The following LRFN5 variants were observed in gnomAD, a reference collection of about 807,000 sequenced individuals.
LRFN5 encodes the protein leucine-rich repeat and fibronectin type-III domain-containing protein 5.
Under a neutral mutation model 45.6 loss-of-function variants are expected in LRFN5, and 24 were observed. The ratio of observed to expected loss-of-function variants is 0.53; its 90% CI spans 0.38 to 0.74. LRFN5 has a LOEUF of 0.74. Ranked by LOEUF, LRFN5 falls within the 30% of genes least tolerant of loss-of-function variation. LRFN5 has a pLI of 0.00. For synonymous variants in LRFN5, 340 were observed against 313.8 expected, an observed-to-expected ratio of 1.08 and a Z score of -0.88; for missense variants, 776 against 861.5, an observed-to-expected ratio of 0.90 and a Z score of 1.24.
At chr14:41,742,378 A>T (rs1884738040) in intron 1 of LRFN5, among the ~76,000 whole-genome samples, 1 of 151,616 alleles carries the variant, frequency 6.6e-6, no homozygotes, top group Admixed American at 6.6e-5. Flanking sequence ...AAATAAGGAA[A>T]TTTTTTTCAT....
intron 2 of LRFN5, among the ~76,000 whole-genome samples, chr14:41,791,129 C>G (rs1025637599): frequency 6.6e-6 from 1 of 151,556 alleles, no homozygotes; most frequent in African/African-American, 2.4e-5. Flanking sequence ...ATTATTAACC[C>G]AGATCATCTG....
rs775264252 is a variant in LRFN5 at position 41,895,119 on chromosome 14, A to G, written c.2098+3157A>G. ...CGATGTTTACTTCAAACTTTTTTTA[A>G]AATTGTGTTCCTGCATTATTTTTGT... On this transcript the variant is annotated intron_variant, in intron 4 of 5. Coordinates refer to ENST00000298119, the MANE Select transcript of LRFN5 (RefSeq NM_152447.5). 1,098 of 881,406 alleles carry G rather than the reference A, an allele frequency of 1.2e-3. 4 individuals carry two copies. Among genetic ancestry groups the G allele is most frequent in the Non-Finnish European group, 1.4e-3 (1,031 of 735,344 alleles). The allele number at this position is 881,406 out of a possible 1,614,324, so 54.6% of individuals were successfully genotyped here. A position where few individuals can be genotyped will look rare whatever the true frequency, so the allele number is the denominator to read the frequency against.
intron 1 of LRFN5, among the ~76,000 whole-genome samples, chr14:41,752,388 A>G (rs553632303): frequency 6.6e-6 from 1 of 152,298 alleles, no homozygotes; most frequent in South Asian, 2.1e-4. Flanking sequence ...CCAACAGTGT[A>G]AAAGTGTTCC....
intron 1 of LRFN5, among the ~76,000 whole-genome samples, chr14:41,740,925 C>G (rs117370392): frequency 6.6e-6 from 1 of 151,872 alleles, no homozygotes; most frequent in African/African-American, 2.4e-5. Flanking sequence ...TTTCTATAAA[C>G]TAACAACAAA....
chr14:41,892,530 T>C (rs1038343786), intron 4 of LRFN5: 6 of 973,492 alleles, frequency 6.2e-6, no homozygotes, highest in Admixed American at 6.2e-5. Context: ...CTATGGATAA[T>C]TGATATTTTT....
intron 2 of LRFN5, among the ~76,000 whole-genome samples, chr14:41,884,669 T>G (rs192258201): frequency 5.1e-4 from 78 of 152,148 alleles, no homozygotes; most frequent in Middle Eastern, 3.4e-3. Flanking sequence ...CACCCTCCCC[T>G]TAACGATCTC....
At chr14:41,815,180 T>C (rs1887874116) in intron 2 of LRFN5, among the ~76,000 whole-genome samples, 1 of 152,184 alleles carries the variant, frequency 6.6e-6, no homozygotes, top group Non-Finnish European at 1.5e-5. Context: ...TATTTCTTCT[T>C]GCCATCCTAT....
At chr14:41,877,082 A>G (rs375196443) in intron 2 of LRFN5, among the ~76,000 whole-genome samples, 82 of 152,334 alleles carry the variant, frequency 5.4e-4, no homozygotes, top group African/African-American at 1.9e-3. Context: ...CTAACATACT[A>G]GGAAGAACAT....
chr14:41,876,522 T>G (rs1013247157), intron 2 of LRFN5, among the ~76,000 whole-genome samples: 35 of 151,416 alleles, frequency 2.3e-4, no homozygotes, highest in Admixed American at 9.9e-4. Context: ...GGTCTCAATC[T>G]CCTGACCTCG....
chr14:41,613,857 A>G (rs1887843864), intron 1 of LRFN5, among the ~76,000 whole-genome samples: 1 of 152,042 alleles, frequency 6.6e-6, no homozygotes, highest in South Asian at 2.1e-4. Flanking sequence ...AGCTCTTTTG[A>G]GGAAGTGCTC....
chr14:41,656,223 A>G lies in LRFN5; in HGVS notation c.-197+47661A>G, dbSNP rs187676939. Among the ~76,000 whole-genome samples, 151 of 152,104 alleles carry G rather than the reference A, an allele frequency of 9.9e-4. 1 individual carries two copies. The highest frequency in any genetic ancestry group is 1.9e-3 in the Admixed American group (29 of 15,232). ...ATAATGATATTTACCTCCCAAGGCTATTATGAAAATTAAAAAATATCCAGA... is the reference window on the plus strand; with the variant it reads ...ATAATGATATTTACCTCCCAAGGCTGTTATGAAAATTAAAAAATATCCAGA... On this transcript the variant is annotated intron_variant, in intron 1 of 5. Transcript: ENST00000298119.
chr14:41,846,232 C>CACACACAG, intron 2 of LRFN5, among the ~76,000 whole-genome samples: 1 of 151,638 alleles, frequency 6.6e-6, no homozygotes, highest in East Asian at 1.9e-4. Flanking sequence ...CACACACACA[C>CACACACAG]GCACACACAC....
intron 2 of LRFN5, among the ~76,000 whole-genome samples, chr14:41,819,265 A>G (rs1007276674): frequency 5.3e-5 from 8 of 152,158 alleles, no homozygotes; most frequent in African/African-American, 1.9e-4. Context: ...TTGTTGGATC[A>G]AATGGTAGTT....
At chr14:41,893,907 C>G in intron 4 of LRFN5, 1 of 985,192 alleles carries the variant, frequency 1.0e-6, no homozygotes, top group Non-Finnish European at 1.2e-6. Context: ...TAGATGAGGT[C>G]ACATGTGGTC....
chr14:41,631,401 C>A (rs1888529074), intron 1 of LRFN5, among the ~76,000 whole-genome samples: 1 of 152,066 alleles, frequency 6.6e-6, no homozygotes, highest in African/African-American at 2.4e-5. Context: ...TTTATTTATT[C>A]AACAAGTATG....
At chr14:41,618,682 A>G (rs931673144) in intron 1 of LRFN5, among the ~76,000 whole-genome samples, 1 of 152,182 alleles carries the variant, frequency 6.6e-6, no homozygotes. Flanking sequence ...TAAGCCACAA[A>G]ATTATGTAAT....
rs141135203 is a variant in LRFN5 at position 41,722,325 on chromosome 14, T to G, written c.-196-44529T>G. 3.7e-3 allele frequency among the ~76,000 whole-genome samples: 562 copies of G among 152,264 alleles called. 2 individuals are homozygous for G. The highest frequency in any genetic ancestry group is 6.7e-3 in the Admixed American group (102 of 15,290). ...TGTCTTGGGTCTCTTTGAGTTTCTT[T>G]GCAATCCATGCTTTTGAATTCTTTA... On this transcript the variant is annotated intron_variant, in intron 1 of 5. Coordinates refer to ENST00000298119, the MANE Select transcript of LRFN5 (RefSeq NM_152447.5).
chr14:41,674,500 G>A (rs1386569487), intron 1 of LRFN5, among the ~76,000 whole-genome samples: 1 of 144,128 alleles, frequency 6.9e-6, no homozygotes. Context: ...TGGCCGGGCG[G>A]GGGGCTGACC....
chr14:41,634,417 C>T (rs1025325049), intron 1 of LRFN5, among the ~76,000 whole-genome samples: 1 of 152,008 alleles, frequency 6.6e-6, no homozygotes, highest in Non-Finnish European at 1.5e-5. Flanking sequence ...TGGAGTCTCC[C>T]GATGTTCAAA....
Sources: gnomAD v4.1 joint callset for allele counts (sites outside exome capture counted in the v4.1 genomes callset) on GRCh38, gnomAD v4.1.1 for gene constraint, MANE v1.5 for transcripts, NCBI Gene and HGNC (gene_info 2026-07-23, HGNC 2026-07-21) for gene names.